PNKP: variants seen among roughly 807,000 people sequenced by gnomAD.
PNKP encodes bifunctional polynucleotide phosphatase/kinase.
A neutral mutation model predicts 66.2 loss-of-function variants in PNKP; 82 were observed. The observed-to-expected ratio is 1.24, with a 90% CI of 1.04 to 1.49. The LOEUF (loss-of-function observed/expected upper bound fraction) is 1.49, where lower values mean the gene tolerates loss of function less well. Ranked by LOEUF, PNKP falls within the 40% of genes most tolerant of loss-of-function variation. The probability of loss-of-function intolerance (pLI) is 0.00; values close to 1 mark genes in which losing one functional copy is unlikely to be tolerated. For missense variants in PNKP, 907 were observed against 706.8 expected (o/e 1.28, Z -3.21); for synonymous variants, 412 against 298.9 (o/e 1.38, Z -3.90).
At chr19:49,864,142 C>G (rs758501201) in intron 6 of PNKP, 37 bp downstream of exon 6, 2 of 1,612,226 alleles carry the variant, frequency 1.2e-6, no homozygotes, top group South Asian at 2.2e-5. Context: ...CGGACCGCCA[C>G]GTGCACGTGC....
Position 49,865,177 on chromosome 19 carries a change from A to G in PNKP, c.448T>C (p.Leu150=), listed in dbSNP as rs755832108. The change falls in exon 4 of 17, where the codon TTG becomes CTG. Residue 150 remains leucine, a synonymous_variant. Coordinates refer to ENST00000322344, the MANE Select transcript of PNKP (RefSeq NM_007254.4). ...MRKSNPGWEN[L]EKLLVFTAAG... is the part of the protein sequence containing the mutation. The stretch of plus-strand genomic sequence containing the variant: ...GCGGTGAACACTAGCAACTTCTCCA[A>G]GTTCTCCCAGCCGGGGTTTGACTTC... The G allele has an allele frequency of 1.1e-5, 17 of 1,614,064 alleles. No homozygotes were observed. The East Asian group carries it at 3.8e-4, about 36-fold the overall frequency.
In PNKP at chr19:49,862,203, C is replaced by T. The variant is rs945654606; in HGVS notation, c.1108G>A (p.Ala370Thr). The change falls in exon 12 of 17, where the codon GCA becomes ACA. Residue 370 changes from alanine (A) to threonine (T), a missense_variant. Physicochemically the swap from Ala to Thr is moderately conservative, Grantham distance 58. Transcript: ENST00000322344. Reference sequence around the variant, plus strand: ...CACTTACCCCCAGGGAATCCCACTGCGACAACCACCTCCGGGCTGGCGCTC... The same window carrying T: ...CACTTACCCCCAGGGAATCCCACTGTGACAACCACCTCCGGGCTGGCGCTC... ...LLSASPEVVV[A>T]VGFPGAGKST... 1.2e-6 allele frequency: 2 copies of T among 1,613,488 alleles called. No individual in the cohort carries two copies. Among genetic ancestry groups the T allele is most frequent in the African/African-American group, 2.7e-5 (2 of 74,902 alleles).
At position 49,867,177 on chromosome 19, in the gene PNKP, A is replaced by G; in HGVS notation, c.28T>C (p.Leu10=). 3.7e-6 allele frequency: 6 copies of G among 1,612,078 alleles called. No homozygotes were observed. The highest frequency in any genetic ancestry group is 5.1e-6 in the Non-Finnish European group (6 of 1,179,484). MGEVEAPGR[L]WLESPPGGAP... Reference sequence around the variant, plus strand: ...CCCCCAGGGGGGCTCTCGAGCCACAAGCGGCCCGGGGCCTCCACCTCGCCC... The same window carrying G: ...CCCCCAGGGGGGCTCTCGAGCCACAGGCGGCCCGGGGCCTCCACCTCGCCC... Residue 10 remains leucine (L), a synonymous_variant, in exon 2 of 17, where the codon TTG becomes CTG. Transcript: ENST00000322344.
In PNKP at chr19:49,862,725, G is replaced by C. The variant is rs1453288814; in HGVS notation, c.830C>G (p.Thr277Arg). ...DHLQEQANDG[T>R]PISIGDSIFV... ...GATGCTGTCCCCGATGGATATGGGC[G>C]TGCCGTCGTTGGCCTACGGGAGACG... Residue 277 changes from threonine (T) to arginine (R), a missense_variant, in exon 9 of 17, where the codon ACG (threonine) becomes AGG (arginine). By Grantham distance (71) the Thr-to-Arg change is moderately conservative. Coordinates refer to ENST00000322344, the MANE Select transcript of PNKP (RefSeq NM_007254.4). 2 of 1,614,092 alleles carry C rather than the reference G, an allele frequency of 1.2e-6. No individual in the cohort carries two copies.
intron 11 of PNKP, 29 bp downstream of exon 11, chr19:49,862,342 C>T (rs762624349): frequency 4.2e-5 from 50 of 1,191,898 alleles, no homozygotes; most frequent in Non-Finnish European, 6.1e-5. Context: ...CCTCCCATCC[C>T]CACCCCCACC....
Position 49,864,086 on chromosome 19 carries a change from G to C in PNKP, c.637-15C>G, listed in dbSNP as rs1208996154. On this transcript the variant is annotated splice_polypyrimidine_tract_variant and intron_variant, in intron 6 of 16. Coordinates refer to ENST00000322344, the MANE Select transcript of PNKP (RefSeq NM_007254.4). ...AAGATCACCAGCTGGGGAGCAAAGG[G>C]TGTCACCAGACGCTCTGCTCACCAG... 1 of 1,612,558 alleles carries C rather than the reference G, an allele frequency of 6.2e-7. No homozygotes were observed. The highest frequency in any genetic ancestry group is 1.1e-5 in the South Asian group (1 of 91,054).
intron 2 of PNKP, 34 bp from the exon 3 acceptor site, chr19:49,866,479 T>A (rs1304670647): frequency 6.2e-7 from 1 of 1,609,576 alleles, no homozygotes; most frequent in Non-Finnish European, 8.5e-7. Context: ...AGGATTTGCA[T>A]CCTTGTGTGA....
Position 49,864,231 on chromosome 19 carries a change from A to G in PNKP, c.584T>C (p.Leu195Ser), listed in dbSNP as rs773769080. ...GAGCTTACGGGGAATCTCTGGGTAC[A>G]AGATCCTACGGCAGGTATGAAGCGG... ...FPTGPSDWRI[L>S]YPEIPRKLRE... Residue 195 changes from leucine (L) to serine (S), a missense_variant, in exon 6 of 17, where the codon TTG (leucine) becomes TCG (serine). Physicochemically the swap from Leu to Ser is moderately radical, Grantham distance 145. Coordinates refer to ENST00000322344, the MANE Select transcript of PNKP (RefSeq NM_007254.4). The G allele has an allele frequency of 2.4e-5, 39 of 1,614,042 alleles. No homozygotes were observed. Among genetic ancestry groups the G allele is most frequent in the Non-Finnish European group, 3.2e-5 (38 of 1,180,024 alleles).
Position 49,863,987 on chromosome 19 carries a change from C to G in PNKP, c.721G>C (p.Glu241Gln). Residue 241 changes from glutamate (E) to glutamine (Q), a missense_variant, in exon 7 of 17, where the codon GAG becomes CAG. Physicochemically the swap from Glu to Gln is conservative, Grantham distance 29. Coordinates refer to ENST00000322344, the MANE Select transcript of PNKP (RefSeq NM_007254.4). ...EFKAKVEAVV[E>Q]KLGVPFQVLV... ...ACCTGGAAGGGGACCCCCAGCTTCT[C>G]CACCACAGCCTCCACCTTGGCCTTG... 1.2e-6 allele frequency: 2 copies of G among 1,613,870 alleles called. No individual in the cohort carries two copies. The highest frequency in any genetic ancestry group is 1.7e-6 in the Non-Finnish European group (2 of 1,179,804).
chr19:49,865,061 A>G, intron 4 of PNKP, 66 bp downstream of exon 4: 1 of 1,388,308 alleles, frequency 7.2e-7, no homozygotes, highest in South Asian at 1.2e-5. Flanking sequence ...AGTTGAGAGC[A>G]CGCAACAAAC....
At chr19:49,866,105 T>G in intron 3 of PNKP, 1 of 459,428 alleles carries the variant, frequency 2.2e-6, no homozygotes, top group South Asian at 2.0e-5. Flanking sequence ...CTTGACCTAC[T>G]GGGCTCAAGG....
At position 49,862,292 on chromosome 19, in the gene PNKP, C is replaced by G; in HGVS notation, c.1030-11G>C. The G allele has an allele frequency of 6.4e-7, 1 of 1,572,848 alleles. No homozygotes were observed. The highest frequency in any genetic ancestry group is 8.6e-7 in the Non-Finnish European group (1 of 1,159,062). ...GCGGGAGACAGTCCTCTGCGAGGGG[C>G]GGGGGACACGCGTGAGATGCCGTCC... On this transcript the variant is annotated splice_polypyrimidine_tract_variant and intron_variant, in intron 11 of 16. Coordinates refer to ENST00000322344, the MANE Select transcript of PNKP (RefSeq NM_007254.4).
chr19:49,862,018 T>C (rs764305482), intron 13 of PNKP, 26 bp downstream of exon 13: 1 of 1,613,060 alleles, frequency 6.2e-7, no homozygotes, highest in South Asian at 1.1e-5. Context: ...TATAATAGAT[T>C]TGGGGCGGCA....
rs398124249 is a variant in PNKP, at chr19:49,863,742, C to T, written c.763G>A (p.Ala255Thr). The change falls in exon 8 of 17, where the codon GCA becomes ACA. Residue 255 changes from alanine to threonine, a missense_variant. Ala to Thr is a moderately conservative substitution (Grantham distance 58). Transcript: ENST00000322344. Reference sequence around the variant, plus strand: ...GTCACCGGCTTCCGGTACAAGCCTGCGTGCGTGGCCACCAGCACCTGTGGA... The same window carrying T: ...GTCACCGGCTTCCGGTACAAGCCTGTGTGCGTGGCCACCAGCACCTGTGGA... Reference protein sequence around the residue: ...VPFQVLVATHAGLYRKPVTGM... With the variant: ...VPFQVLVATHTGLYRKPVTGM... 2.9e-5 allele frequency: 46 copies of T among 1,559,624 alleles called. No individual in the cohort carries two copies. Among genetic ancestry groups the T allele is most frequent in the Non-Finnish European group, 3.6e-5 (42 of 1,151,166 alleles).
At position 49,866,507 on chromosome 19, in the gene PNKP, G is replaced by A. The variant is rs1364125286; in HGVS notation, c.152-62C>T. On this transcript the variant is annotated intron_variant, in intron 2 of 16. Coordinates refer to ENST00000322344, the MANE Select transcript of PNKP (RefSeq NM_007254.4). ...TTGTGTGATTGGGTCCCTCATTTCT[G>A]GGGAGTGTGGCCTGCTTCAGGCTAT... 4 of 1,506,396 alleles carry A rather than the reference G, an allele frequency of 2.7e-6. No homozygotes were observed. The South Asian group carries it at 4.5e-5, about 17-fold the overall frequency. The allele number at this position is 1,506,396 out of a possible 1,614,324, so 93.3% of individuals were successfully genotyped here.
At chr19:49,863,591 C>A in intron 8 of PNKP, 98 bp downstream of exon 8, 1 of 833,620 alleles carries the variant, frequency 1.2e-6, no homozygotes, top group Admixed American at 2.0e-5. Flanking sequence ...CGAGAGAGGA[C>A]AGAGGAGTAA....
chr19:49,861,527 A>C lies in PNKP; in HGVS notation c.1387-17T>G, dbSNP rs933308861. 8 of 1,060,050 alleles carry C rather than the reference A, an allele frequency of 7.5e-6. No individual in the cohort carries two copies. The African/African-American group carries it at 2.0e-4, about 26-fold the overall frequency. The allele number at this position is 1,060,050 out of a possible 1,614,324, so 65.7% of individuals were successfully genotyped here. On this transcript the variant is annotated splice_polypyrimidine_tract_variant and intron_variant, in intron 15 of 16. Coordinates refer to ENST00000322344, the MANE Select transcript of PNKP (RefSeq NM_007254.4). ...CTCTCGAAACTGTGGGGAACATCAGAGGGGCGGCAGGCCCAGGGGTCAGGG... is the reference window on the plus strand; with the variant it reads ...CTCTCGAAACTGTGGGGAACATCAGCGGGGCGGCAGGCCCAGGGGTCAGGG...
At chr19:49,861,559 G>T (rs759693088) in intron 15 of PNKP, 49 bp from the exon 16 acceptor site, 3 of 1,563,528 alleles carry the variant, frequency 1.9e-6, no homozygotes, top group Non-Finnish European at 8.7e-7. Context: ...AGGGGAGGAG[G>T]GGGGTCAGGG....
At position 49,864,175 on chromosome 19, in the gene PNKP, A is replaced by G. The variant is rs1337428187; in HGVS notation, c.636+4T>C. On this transcript the variant is annotated splice_donor_region_variant and intron_variant, in intron 6 of 16. Transcript: ENST00000322344. ...TGCCCATGCAGACAGGCGGCTGCACATACCTTGTAGCCCTCGGCTTCCAGC... is the reference window on the plus strand; with the variant it reads ...TGCCCATGCAGACAGGCGGCTGCACGTACCTTGTAGCCCTCGGCTTCCAGC... The G allele has an allele frequency of 1.9e-6, 3 of 1,613,722 alleles. No homozygotes were observed. Among genetic ancestry groups the G allele is most frequent in the South Asian group, 1.1e-5 (1 of 91,084 alleles).
Sources: allele counts gnomAD v4.1 joint callset, GRCh38; gene constraint gnomAD v4.1.1; transcripts MANE v1.5; gene names NCBI Gene and HGNC (gene_info 2026-07-23, HGNC 2026-07-21).